Variants in GLIS3 observed in about 807,000 individuals in gnomAD.
GLIS3 encodes the protein GLIS family zinc finger 3.
A neutral mutation model predicts 78.6 loss-of-function variants in GLIS3; 53 were observed. That is an observed-to-expected ratio of 0.67 (90% CI 0.54 to 0.85). The LOEUF (loss-of-function observed/expected upper bound fraction) is 0.85, where lower values mean the gene tolerates loss of function less well. GLIS3 is among the 40% of genes least tolerant of loss of function. GLIS3 has a pLI of 0.00. For missense variants in GLIS3, 1,703 were observed against 1,231.1 expected (o/e 1.38, Z -5.74); for synonymous variants, 684 against 509.9 (o/e 1.34, Z -4.60).
chr9:4,380,097 G>T, the GLIS3 span, among the ~76,000 whole-genome samples: 1 of 152,202 alleles, frequency 6.6e-6, no homozygotes, highest in Non-Finnish European at 1.5e-5. Context: ...CTATTCCACC[G>T]GAGCATTGTG....
chr9:4,416,166 C>T, the GLIS3 span, among the ~76,000 whole-genome samples: 2 of 142,642 alleles, frequency 1.4e-5, no homozygotes, highest in Non-Finnish European at 3.0e-5. Flanking sequence ...GCAAGAGGAT[C>T]GCTTGAGCCC....
intron 2 of GLIS3, among the ~76,000 whole-genome samples, chr9:4,239,911 T>G (rs540265171): frequency 4.5e-4 from 68 of 152,340 alleles, no homozygotes; most frequent in African/African-American, 1.6e-3. Flanking sequence ...TTTACAGGAA[T>G]AAAGGATAAC....
Position 3,856,065 on chromosome 9 carries a change from T to G in GLIS3, c.2417A>C (p.Lys806Thr). Residue 806 changes from lysine (K) to threonine (T), a missense_variant, in exon 9 of 11, where the codon AAG becomes ACG. Lys to Thr is a moderately conservative substitution (Grantham distance 78). Coordinates refer to ENST00000381971, the MANE Select transcript of GLIS3 (RefSeq NM_001042413.2). ...AGAGTTTGTTTCTGGCTGATAGGAC[T>G]TCAGGTGTGAACCTGATGGCTGCTG... Reference protein sequence around the residue: ...YTQQPSGSHLKSYQPETNSSF... With the variant: ...YTQQPSGSHLTSYQPETNSSF... 6.2e-7 allele frequency: 1 copy of G among 1,614,208 alleles called. No homozygotes were observed. Among genetic ancestry groups the G allele is most frequent in the South Asian group, 1.1e-5 (1 of 91,086 alleles).
At chr9:4,445,629 A>G in the GLIS3 span, among the ~76,000 whole-genome samples, 3 of 152,192 alleles carry the variant, frequency 2.0e-5, no homozygotes, top group African/African-American at 7.2e-5. Flanking sequence ...GCAAGACTCT[A>G]ACTCTAAAAA....
chr9:3,843,194 T>G (rs1226769791), intron 9 of GLIS3, among the ~76,000 whole-genome samples: 2 of 152,230 alleles, frequency 1.3e-5, no homozygotes, highest in South Asian at 4.1e-4. Flanking sequence ...ACATCCGCTT[T>G]ACTAACTAGG....
chr9:3,921,064 T>C (rs1824857043), intron 6 of GLIS3, among the ~76,000 whole-genome samples: 1 of 152,208 alleles, frequency 6.6e-6, no homozygotes, highest in Non-Finnish European at 1.5e-5. Context: ...TGGTTGTCAC[T>C]GAATCTGAAA....
the GLIS3 span, among the ~76,000 whole-genome samples, chr9:4,402,528 G>C: frequency 1.3e-5 from 2 of 152,174 alleles, no homozygotes; most frequent in East Asian, 1.9e-4. Flanking sequence ...TGACCTAGCA[G>C]AGAATTCAAA....
At chr9:4,450,999 T>C in the GLIS3 span, among the ~76,000 whole-genome samples, 1 of 152,136 alleles carries the variant, frequency 6.6e-6, no homozygotes, top group Non-Finnish European at 1.5e-5. Flanking sequence ...ACAATAACAA[T>C]ACTAACCTTA....
intron 4 of GLIS3, among the ~76,000 whole-genome samples, chr9:4,022,673 C>A (rs1822987650): frequency 6.6e-6 from 1 of 152,094 alleles, no homozygotes; most frequent in African/African-American, 2.4e-5. Context: ...TGGAAACGGT[C>A]CCACAGGGAA....
At chr9:4,425,863 A>G in the GLIS3 span, among the ~76,000 whole-genome samples, 1 of 152,156 alleles carries the variant, frequency 6.6e-6, no homozygotes, top group Non-Finnish European at 1.5e-5. Flanking sequence ...TCTGGAACTT[A>G]AACTCTCAGT....
the GLIS3 span, among the ~76,000 whole-genome samples, chr9:4,477,777 A>G: frequency 3.3e-5 from 5 of 152,156 alleles, no homozygotes; most frequent in African/African-American, 1.2e-4. Flanking sequence ...CTGGAGATGG[A>G]TAGTGGTGAC....
At chr9:4,096,623 G>T (rs373527082) in intron 4 of GLIS3, among the ~76,000 whole-genome samples, 47 of 152,280 alleles carry the variant, frequency 3.1e-4, no homozygotes, top group African/African-American at 1.1e-3. Context: ...GAGCTCAGGA[G>T]AATTATCTGT....
chr9:4,186,048 A>ATG (rs1221534031), intron 2 of GLIS3, among the ~76,000 whole-genome samples: 1 of 151,830 alleles, frequency 6.6e-6, no homozygotes, highest in Admixed American at 6.6e-5. Context: ...CATGTGCACA[A>ATG]TGCAGGTTAG....
upstream of GLIS3, among the ~76,000 whole-genome samples, chr9:4,350,227 C>A (rs904684719): frequency 6.6e-6 from 1 of 152,170 alleles, no homozygotes; most frequent in Non-Finnish European, 1.5e-5. Flanking sequence ...GTTTGCTATA[C>A]CCGCAAGGCA....
chr9:3,876,422 T>C (rs898525057), intron 8 of GLIS3, among the ~76,000 whole-genome samples: 3 of 151,454 alleles, frequency 2.0e-5, no homozygotes, highest in African/African-American at 7.3e-5. Flanking sequence ...TTCACAAAAT[T>C]TGGGAAATCT....
intron 1 of GLIS3, among the ~76,000 whole-genome samples, chr9:4,290,106 T>C (rs1320441448): frequency 6.6e-6 from 1 of 152,172 alleles, no homozygotes; most frequent in East Asian, 1.9e-4. Context: ...CCATAATGCC[T>C]ATTTACAGCT....
intron 7 of GLIS3, among the ~76,000 whole-genome samples, chr9:3,880,272 T>A (rs535452313): frequency 4.5e-4 from 69 of 152,124 alleles, no homozygotes; most frequent in Non-Finnish European, 8.4e-4. Flanking sequence ...ACACAGAGAG[T>A]GAGTTACAGT....
At chr9:4,329,562 A>G (rs1473298398) in intron 2 of GLIS3, among the ~76,000 whole-genome samples, 1 of 152,194 alleles carries the variant, frequency 6.6e-6, no homozygotes, top group Non-Finnish European at 1.5e-5. Context: ...AAAGCATTTA[A>G]TAAGAATGTG....
chr9:4,085,923 T>G (rs903522280), intron 4 of GLIS3, among the ~76,000 whole-genome samples: 1 of 152,164 alleles, frequency 6.6e-6, no homozygotes, highest in Non-Finnish European at 1.5e-5. Flanking sequence ...AAATTAAACC[T>G]CTTTTCTCAT....
Sources: allele counts gnomAD v4.1 joint callset (sites outside exome capture counted in the v4.1 genomes callset), GRCh38; gene constraint gnomAD v4.1.1; transcripts MANE v1.5; gene names NCBI Gene and HGNC (gene_info 2026-07-23, HGNC 2026-07-21).